The following SRPK2 variants were observed in gnomAD, a reference collection of about 807,000 sequenced individuals.
SRPK2 encodes SRSF protein kinase 2.
Under a neutral mutation model 90.8 loss-of-function variants are expected in SRPK2, and 21 were observed. That is an observed-to-expected ratio of 0.23 (90% CI 0.16 to 0.33). The LOEUF is 0.33. SRPK2 is among the 10% of genes least tolerant of loss of function. The pLI, the probability that SRPK2 is intolerant of heterozygous loss-of-function variation, is 1.00. For synonymous variants in SRPK2, 288 were observed against 311.1 expected, an observed-to-expected ratio of 0.93 and a Z score of 0.78; for missense variants, 620 against 869.0, an observed-to-expected ratio of 0.71 and a Z score of 3.60.
At chr7:105,244,737 G>C (rs1004851493) in intron 2 of SRPK2, 12 of 1,116,464 alleles carry the variant, frequency 1.1e-5, no homozygotes, top group African/African-American at 4.6e-5. Flanking sequence ...CACAGCCGCC[G>C]CCGCGGGCGT....
In SRPK2 at chr7:105,240,065, T is replaced by A. The variant is rs550299581; in HGVS notation, c.72-36280A>T. On this transcript the variant is annotated intron_variant, in intron 2 of 15. Transcript: ENST00000393651. ...GTTGCTATAACAAAATACCACCGAG[T>A]GACTTATAAAAAAGAGAAATTTATT... Among the ~76,000 whole-genome samples, 13 of 151,844 alleles carry A rather than the reference T, an allele frequency of 8.6e-5. No homozygotes were observed. The East Asian group carries it at 2.5e-3, about 29-fold the overall frequency.
upstream of SRPK2, chr7:105,389,278 C>T (rs1208287239): frequency 1.6e-6 from 2 of 1,275,696 alleles, no homozygotes; most frequent in South Asian, 1.3e-5. Context: ...CTCCATGCGC[C>T]CGTCCTTGGC....
At chr7:105,156,003 AT>A (rs1222433744) in intron 7 of SRPK2, among the ~76,000 whole-genome samples, 37 of 152,204 alleles carry the variant, frequency 2.4e-4, no homozygotes, top group African/African-American at 8.0e-4. Flanking sequence ...CCAGAGGGAA[AT>A]AGGGTACCTG....
intron 2 of SRPK2, among the ~76,000 whole-genome samples, chr7:105,275,375 T>C (rs895992957): frequency 6.6e-6 from 1 of 152,326 alleles, no homozygotes; most frequent in African/African-American, 2.4e-5. Flanking sequence ...TGGGGCATGA[T>C]ACTCTTCTTA....
intron 2 of SRPK2, among the ~76,000 whole-genome samples, chr7:105,291,657 G>T: frequency 6.6e-6 from 1 of 152,162 alleles, no homozygotes. Flanking sequence ...TTGAACCCAG[G>T]GGGCAGAGGC....
chr7:105,119,124 G>C (rs1799967019), intron 15 of SRPK2, among the ~76,000 whole-genome samples: 1 of 149,736 alleles, frequency 6.7e-6, no homozygotes, highest in South Asian at 2.2e-4. Flanking sequence ...GTCTCGGTGG[G>C]GGGAGAGAGG....
At chr7:105,282,649 T>A (rs564153117) in intron 2 of SRPK2, among the ~76,000 whole-genome samples, 2 of 152,030 alleles carry the variant, frequency 1.3e-5, no homozygotes, top group Non-Finnish European at 2.9e-5. Context: ...ATTAGCCAGG[T>A]TTAGTGGTAA....
At chr7:105,160,968 C>T (rs900338332) in intron 6 of SRPK2, among the ~76,000 whole-genome samples, 3 of 151,920 alleles carry the variant, frequency 2.0e-5, no homozygotes, top group Non-Finnish European at 2.9e-5. Flanking sequence ...CTTGCTCTGT[C>T]GCCCAGGAGT....
At chr7:105,352,587 T>C (rs1306510594) in intron 2 of SRPK2, among the ~76,000 whole-genome samples, 4 of 152,242 alleles carry the variant, frequency 2.6e-5, no homozygotes, top group Non-Finnish European at 5.9e-5. Context: ...AGTAACTTGT[T>C]ATGTGGTAAT....
At chr7:105,350,797 T>A (rs981517553) in intron 2 of SRPK2, among the ~76,000 whole-genome samples, 2 of 152,048 alleles carry the variant, frequency 1.3e-5, no homozygotes, top group Non-Finnish European at 2.9e-5. Flanking sequence ...CTATAATTAA[T>A]CCCATTTTAC....
At chr7:105,310,598 G>A (rs79632305) in intron 2 of SRPK2, among the ~76,000 whole-genome samples, 1,919 of 152,136 alleles carry the variant, frequency 0.013, 15 homozygotes, top group Non-Finnish European at 0.02. Flanking sequence ...AGCCGAGATC[G>A]CGCCACTGCA....
chr7:105,297,988 C>T (rs1373470249), intron 2 of SRPK2, among the ~76,000 whole-genome samples: 1 of 152,200 alleles, frequency 6.6e-6, no homozygotes, highest in Admixed American at 6.5e-5. Flanking sequence ...GATCTGCCCA[C>T]CTCAGCCTCC....
intron 2 of SRPK2, among the ~76,000 whole-genome samples, chr7:105,368,980 T>A (rs915863456): frequency 6.6e-6 from 1 of 151,282 alleles, no homozygotes; most frequent in African/African-American, 2.4e-5. Context: ...GACTTCAAAC[T>A]GTGTTCTTCA....
At chr7:105,388,973 C>T (rs1822009122), upstream of SRPK2, 2 of 1,090,560 alleles carry the variant, frequency 1.8e-6, no homozygotes, top group Non-Finnish European at 2.2e-6. Flanking sequence ...GACCCGCCCC[C>T]GTCCGGCCCC....
At chr7:105,177,126 A>T (rs1792069162) in intron 3 of SRPK2, among the ~76,000 whole-genome samples, 1 of 152,116 alleles carries the variant, frequency 6.6e-6, no homozygotes, top group Non-Finnish European at 1.5e-5. Flanking sequence ...AAAGTGATTA[A>T]ATCAGGAAAA....
chr7:105,380,321 G>A (rs1393761921), intron 2 of SRPK2, among the ~76,000 whole-genome samples: 3 of 151,886 alleles, frequency 2.0e-5, no homozygotes, highest in Admixed American at 6.6e-5. Flanking sequence ...TAGTAGAGAC[G>A]GGGTTTCATC....
rs955299720 is a variant in SRPK2, at chr7:105,397,116, C to G, written n.153+2040G>C. 3.3e-5 allele frequency among the ~76,000 whole-genome samples: 5 copies of G among 152,100 alleles called. No homozygotes were observed. In the East Asian group the frequency reaches 9.7e-4, roughly 29 times the overall value. The stretch of plus-strand genomic sequence containing the variant: ...CACTACAACTTCCGCCTCATGGGTA[C>G]AAGCAATTCTCCTGCCTCAGCTTCC... On this transcript the variant is annotated intron_variant and non_coding_transcript_variant, in intron 1 of 3. Transcript: ENST00000462282.
chr7:105,371,602 A>C (rs2132454550), intron 2 of SRPK2, among the ~76,000 whole-genome samples: 1 of 151,404 alleles, frequency 6.6e-6, no homozygotes, highest in East Asian at 1.9e-4. Flanking sequence ...AAAAAAAAAA[A>C]AACACTAGTC....
chr7:105,204,029 ACT>A (rs1195560582), intron 2 of SRPK2, among the ~76,000 whole-genome samples: 5 of 151,882 alleles, frequency 3.3e-5, no homozygotes, highest in Non-Finnish European at 7.4e-5. Flanking sequence ...GTATCTTTTC[ACT>A]TAGCGCTTCA....
Sources: allele counts gnomAD v4.1 joint callset (sites outside exome capture counted in the v4.1 genomes callset), GRCh38; gene constraint gnomAD v4.1.1; transcripts MANE v1.5; gene names NCBI Gene and HGNC (gene_info 2026-07-23, HGNC 2026-07-21).